Variants in BMP2K observed in about 807,000 individuals in gnomAD.
BMP2K encodes BMP-2-inducible protein kinase.
In BMP2K, 74 loss-of-function variants were observed where a neutral mutation model predicts 116.0. That is an observed-to-expected ratio of 0.64 (90% CI 0.53 to 0.77). BMP2K has a LOEUF of 0.77. Ranked by LOEUF, BMP2K falls within the 30% of genes least tolerant of loss-of-function variation. The pLI, the probability that BMP2K is intolerant of heterozygous loss-of-function variation, is 0.00. For missense variants in BMP2K, 1,365 were observed against 1,403.6 expected, an observed-to-expected ratio of 0.97 and a Z score of 0.44; for synonymous variants, 486 against 502.5, an observed-to-expected ratio of 0.97 and a Z score of 0.44.
At chr4:78,802,031 A>AT (rs1277191195) in intron 1 of BMP2K, among the ~76,000 whole-genome samples, 11 of 152,290 alleles carry the variant, frequency 7.2e-5, no homozygotes, top group Non-Finnish European at 1.3e-4. Context: ...AGTGAAGGCC[A>AT]TTTTTTGTTA....
intron 1 of BMP2K, among the ~76,000 whole-genome samples, chr4:78,779,718 T>C (rs780733545): frequency 6.6e-6 from 1 of 152,228 alleles, no homozygotes; most frequent in Non-Finnish European, 1.5e-5. Context: ...ATATTATGTC[T>C]ATAATTTGAA....
chr4:78,910,274 G>A (rs768378241), intron 15 of BMP2K, among the ~76,000 whole-genome samples: 1 of 152,214 alleles, frequency 6.6e-6, no homozygotes, highest in Non-Finnish European at 1.5e-5. Flanking sequence ...TTCAGAATTA[G>A]CAGAATAATG....
In BMP2K at chr4:78,872,325, TTTTTA is replaced by T. The variant is rs753726353; in HGVS notation, c.1609-288_1609-284del. On this transcript the variant is annotated intron_variant, in intron 12 of 15. Coordinates refer to ENST00000502613, the MANE Select transcript of BMP2K (RefSeq NM_198892.2). ...GACCTTTTTTTTTTTTTTTTTTTTT[TTTTTA>T]ACAGCAACCACTATATTAGTGACTT... 19 of 211,160 alleles carry T rather than the reference TTTTTA, an allele frequency of 9.0e-5. 1 individual carries two copies. Among genetic ancestry groups the T allele is most frequent in the East Asian group, 4.5e-4 (5 of 11,058 alleles). 13.1% of individuals were successfully genotyped at this position (211,160 alleles called of 1,614,324 possible).
intron 1 of BMP2K, among the ~76,000 whole-genome samples, chr4:78,777,328 G>A (rs1000752356): frequency 3.3e-5 from 5 of 152,206 alleles, no homozygotes; most frequent in Non-Finnish European, 5.9e-5. Context: ...AATCTTCTCT[G>A]TTGGACAAGG....
chr4:78,840,100 G>A (rs1205325995), intron 3 of BMP2K, among the ~76,000 whole-genome samples: 1 of 150,922 alleles, frequency 6.6e-6, no homozygotes, highest in Non-Finnish European at 1.5e-5. Flanking sequence ...TTTTAACTAA[G>A]TGGTAATATG....
intron 2 of BMP2K, among the ~76,000 whole-genome samples, chr4:78,833,121 T>A (rs1730287307): frequency 6.6e-6 from 1 of 152,088 alleles, no homozygotes; most frequent in Non-Finnish European, 1.5e-5. Flanking sequence ...TTCATTTTTT[T>A]AGGTTATTTA....
At chr4:78,788,562 A>C (rs950529283) in intron 1 of BMP2K, among the ~76,000 whole-genome samples, 1 of 152,132 alleles carries the variant, frequency 6.6e-6, no homozygotes, top group Admixed American at 6.6e-5. Context: ...ATGCAACCCA[A>C]AGGAGAAATT....
chr4:78,811,328 A>G (rs1729079020), intron 1 of BMP2K, among the ~76,000 whole-genome samples: 1 of 152,200 alleles, frequency 6.6e-6, no homozygotes, highest in Non-Finnish European at 1.5e-5. Context: ...TTGACTGAGT[A>G]TTTTGCGGCA....
At position 78,871,849 on chromosome 4, in the gene BMP2K, G is replaced by A. The variant is rs768570074; in HGVS notation, c.1510-1G>A. ...TTATTAATTTGATTTTCTCGTTGTA[G>A]TATCAACATGCAACACAGCAGCAAC... On this transcript the variant is annotated splice_acceptor_variant, in intron 11 of 15. Coordinates refer to ENST00000502613, the MANE Select transcript of BMP2K (RefSeq NM_198892.2). LOFTEE classifies it high-confidence loss of function. 10 of 1,606,098 alleles carry A rather than the reference G, an allele frequency of 6.2e-6. No individual in the cohort carries two copies. The highest frequency in any genetic ancestry group is 1.7e-5 in the Admixed American group (1 of 59,158).
At chr4:78,908,876 G>A (rs765949068) in intron 15 of BMP2K, among the ~76,000 whole-genome samples, 37 of 151,664 alleles carry the variant, frequency 2.4e-4, no homozygotes, top group Admixed American at 1.5e-3. Context: ...TTTCTATCAC[G>A]CCACTCATTC....
intron 14 of BMP2K, among the ~76,000 whole-genome samples, chr4:78,885,034 T>A (rs909496964): frequency 6.6e-6 from 1 of 152,170 alleles, no homozygotes; most frequent in East Asian, 1.9e-4. Context: ...CCAAAATGAA[T>A]TTTCATTGTT....
At chr4:78,795,177 C>T (rs1728191404) in intron 1 of BMP2K, among the ~76,000 whole-genome samples, 1 of 152,176 alleles carries the variant, frequency 6.6e-6, no homozygotes, top group Admixed American at 6.5e-5. Flanking sequence ...CGCAGTGTGC[C>T]ATAATAACTT....
At chr4:78,869,288 T>A (rs181185516) in intron 10 of BMP2K, among the ~76,000 whole-genome samples, 3 of 149,550 alleles carry the variant, frequency 2.0e-5, no homozygotes, top group Non-Finnish European at 4.5e-5. Context: ...CCTTTGTGAT[T>A]TTTTTTTTTA....
At chr4:78,785,070 A>G (rs545123741) in intron 1 of BMP2K, among the ~76,000 whole-genome samples, 3 of 152,220 alleles carry the variant, frequency 2.0e-5, no homozygotes, top group East Asian at 1.9e-4. Context: ...TGGAATGGCA[A>G]TTTATTTTTT....
chr4:78,786,405 A>ATGTGTGTGTG (rs34288286), intron 1 of BMP2K, among the ~76,000 whole-genome samples: 2,480 of 134,322 alleles, frequency 0.018, 55 homozygotes, highest in African/African-American at 0.043. Flanking sequence ...AAGCCACCCA[A>ATGTGTGTGTG]TGTGTGTGTG....
intron 1 of BMP2K, among the ~76,000 whole-genome samples, chr4:78,796,682 A>G (rs187550885): frequency 5.9e-5 from 9 of 152,298 alleles, no homozygotes; most frequent in Admixed American, 2.0e-4. Flanking sequence ...ATAAGAGTTC[A>G]CTAAAATTTA....
At chr4:78,802,107 G>A (rs139264645) in intron 1 of BMP2K, among the ~76,000 whole-genome samples, 1 of 152,304 alleles carries the variant, frequency 6.6e-6, no homozygotes, top group African/African-American at 2.4e-5. Flanking sequence ...CTTCTCTGCA[G>A]ATAGTTATTT....
chr4:78,833,018 A>T (rs760412772), intron 2 of BMP2K, among the ~76,000 whole-genome samples: 3 of 152,092 alleles, frequency 2.0e-5, no homozygotes, highest in Admixed American at 2.0e-4. Flanking sequence ...TGTAAAAGAC[A>T]CAAAAGTTTC....
chr4:78,819,317 A>G (rs1166835463), intron 1 of BMP2K, among the ~76,000 whole-genome samples: 2 of 152,194 alleles, frequency 1.3e-5, no homozygotes, highest in Admixed American at 1.3e-4. Flanking sequence ...GGCCTCCCAA[A>G]GTGCTGGGAT....
Sources: gnomAD v4.1 joint callset for allele counts (sites outside exome capture counted in the v4.1 genomes callset) on GRCh38, gnomAD v4.1.1 for gene constraint, MANE v1.5 for transcripts, NCBI Gene and HGNC (gene_info 2026-07-23, HGNC 2026-07-21) for gene names.